MAST4: variants seen among roughly 807,000 people sequenced by gnomAD.
The protein encoded by MAST4 is microtubule-associated serine/threonine-protein kinase 4.
Under a neutral mutation model 162.7 loss-of-function variants are expected in MAST4, and 89 were observed. The ratio of observed to expected loss-of-function variants is 0.55; its 90% CI spans 0.46 to 0.65. The LOEUF (loss-of-function observed/expected upper bound fraction) is 0.65. Ranked by LOEUF, MAST4 falls within the 30% of genes least tolerant of loss-of-function variation. MAST4 has a pLI of 0.00. For missense variants in MAST4, 3,153 were observed against 3,374.0 expected (o/e 0.93, Z 1.62); for synonymous variants, 1,479 against 1,361.1 (o/e 1.09, Z -1.91).
chr5:66,971,466 A>C (rs900223138), intron 4 of MAST4, among the ~76,000 whole-genome samples: 1 of 152,128 alleles, frequency 6.6e-6, no homozygotes, highest in Non-Finnish European at 1.5e-5. Flanking sequence ...TTAGGAAACC[A>C]GCCTCTTCAG....
At chr5:67,140,427 C>G (rs1770228581) in intron 19 of MAST4, among the ~76,000 whole-genome samples, 1 of 152,218 alleles carries the variant, frequency 6.6e-6, no homozygotes, top group South Asian at 2.1e-4. Context: ...GTGAGGCTCT[C>G]CAGAGGTGCT....
chr5:66,901,745 A>C (rs1048215497), intron 4 of MAST4, among the ~76,000 whole-genome samples: 14 of 152,092 alleles, frequency 9.2e-5, no homozygotes, highest in Non-Finnish European at 1.9e-4. Context: ...AGTGAGGTAA[A>C]CCAAAAATAA....
intron 5 of MAST4, 76 bp from the exon 6 acceptor site, chr5:67,090,086 T>C (rs953720854): frequency 7.6e-6 from 8 of 1,051,094 alleles, no homozygotes; most frequent in Non-Finnish European, 1.2e-5. Flanking sequence ...TAAACTTATT[T>C]CTAAGGAGAG....
At chr5:66,913,489 AT>A (rs1284381283) in intron 4 of MAST4, among the ~76,000 whole-genome samples, 2 of 152,188 alleles carry the variant, frequency 1.3e-5, no homozygotes, top group East Asian at 3.8e-4. Context: ...GTAATATCCT[AT>A]TGAATGACTG....
intron 1 of MAST4, among the ~76,000 whole-genome samples, chr5:66,718,569 T>G (rs1025764797): frequency 1.3e-5 from 2 of 151,948 alleles, no homozygotes; most frequent in Admixed American, 6.6e-5. Context: ...GGCCTGAGGG[T>G]TTTGTGGACA....
chr5:67,146,073 A>T (rs1159619009), intron 23 of MAST4, among the ~76,000 whole-genome samples: 3 of 152,262 alleles, frequency 2.0e-5, no homozygotes, highest in Non-Finnish European at 4.4e-5. Flanking sequence ...TCCACTGAAG[A>T]CAAAAGTTAC....
intron 5 of MAST4, among the ~76,000 whole-genome samples, chr5:67,080,953 A>AATATATAATTGTATATATTATATAAT (rs1348167386): frequency 1.7e-4 from 23 of 137,084 alleles, no homozygotes; most frequent in East Asian, 4.2e-4. Context: ...TATATAATAT[A>AATATATAATTGTATATATTATATAAT]ATATATAATT....
chr5:66,962,636 G>T (rs1179544697), intron 4 of MAST4, among the ~76,000 whole-genome samples: 1 of 152,136 alleles, frequency 6.6e-6, no homozygotes, highest in Non-Finnish European at 1.5e-5. Flanking sequence ...TTGAGCCCAG[G>T]AGGTGGAGGC....
chr5:66,690,483 TA>T (rs1748969877), intron 1 of MAST4, among the ~76,000 whole-genome samples: 2 of 152,242 alleles, frequency 1.3e-5, no homozygotes, highest in African/African-American at 4.8e-5. Context: ...AGCCACGAGC[TA>T]AAATTTCAAA....
chr5:67,159,117 C>T (rs1401570076), intron 26 of MAST4, among the ~76,000 whole-genome samples: 1 of 152,090 alleles, frequency 6.6e-6, no homozygotes, highest in African/African-American at 2.4e-5. Flanking sequence ...ATATATTGCT[C>T]AGCCAGTAAA....
chr5:66,743,634 C>G (rs949362954), intron 1 of MAST4, among the ~76,000 whole-genome samples: 2 of 152,092 alleles, frequency 1.3e-5, no homozygotes, highest in African/African-American at 4.8e-5. Flanking sequence ...ACCTGGAGTT[C>G]TGGGGACACA....
At chr5:66,648,136 G>A (rs1745986505) in intron 1 of MAST4, among the ~76,000 whole-genome samples, 2 of 150,492 alleles carry the variant, frequency 1.3e-5, no homozygotes, top group South Asian at 4.2e-4. Context: ...TTCAGGCTTT[G>A]TGGCAATGTG....
intron 1 of MAST4, among the ~76,000 whole-genome samples, chr5:66,739,283 C>G (rs886176312): frequency 1.3e-5 from 2 of 152,000 alleles, no homozygotes; most frequent in African/African-American, 4.8e-5. Context: ...TAGAGGACAC[C>G]CAGTTGTTTA....
intron 27 of MAST4, among the ~76,000 whole-genome samples, chr5:67,161,266 A>AT (rs1358293638): frequency 6.6e-6 from 1 of 152,188 alleles, no homozygotes; most frequent in East Asian, 1.9e-4. Context: ...TATTAAAAGG[A>AT]TTTTTGATGA....
rs370648874 is a variant in MAST4 at position 66,749,107 on chromosome 5, C to A, written c.364-10602C>A. On this transcript the variant is annotated intron_variant, in intron 1 of 28. Coordinates refer to ENST00000403625, the MANE Select transcript of MAST4 (RefSeq NM_001164664.2). ...CTGCAGGTTGTAGCAGACATCAGGC[C>A]AAGGTAAGGGGAGGGAGACTTGAGC... 2.0e-5 allele frequency among the ~76,000 whole-genome samples: 3 copies of A among 152,000 alleles called. No homozygotes were observed. In the East Asian group the frequency reaches 5.8e-4, roughly 29 times the overall value.
chr5:66,692,984 A>ATTT (rs10711722), intron 1 of MAST4, among the ~76,000 whole-genome samples: 1 of 133,142 alleles, frequency 7.5e-6, no homozygotes, highest in African/African-American at 2.8e-5. Flanking sequence ...TAAAGTTTGT[A>ATTT]TTTTTTTTTT....
chr5:67,059,790 T>C (rs1044716595), intron 5 of MAST4, among the ~76,000 whole-genome samples: 1 of 152,168 alleles, frequency 6.6e-6, no homozygotes, highest in Non-Finnish European at 1.5e-5. Flanking sequence ...TATCCCTAAA[T>C]CTCTGTCTAT....
intron 1 of MAST4, among the ~76,000 whole-genome samples, chr5:66,713,999 G>A (rs1223867792): frequency 2.0e-5 from 3 of 152,174 alleles, no homozygotes; most frequent in Admixed American, 6.5e-5. Context: ...CATGATGAAA[G>A]TACTTTTGTA....
intron 2 of MAST4, among the ~76,000 whole-genome samples, chr5:66,780,982 G>A (rs1280464212): frequency 6.6e-6 from 1 of 152,176 alleles, no homozygotes; most frequent in African/African-American, 2.4e-5. Flanking sequence ...CACCTTTTGT[G>A]ACTGGTTTAT....
Sources: allele counts gnomAD v4.1 joint callset (sites outside exome capture counted in the v4.1 genomes callset), GRCh38; gene constraint gnomAD v4.1.1; transcripts MANE v1.5; gene names NCBI Gene and HGNC (gene_info 2026-07-23, HGNC 2026-07-21).